The following SRP68 variants were observed in gnomAD, a reference collection of about 807,000 sequenced individuals.
SRP68 encodes the protein signal recognition particle subunit SRP68.
SRP68 carries 15 observed loss-of-function variants against 82.2 expected under a neutral mutation model. That is an observed-to-expected ratio of 0.18 (90% CI 0.12 to 0.28). SRP68 has a LOEUF of 0.28. Among genes scored for constraint, SRP68 ranks in the 10% least tolerant of loss-of-function variants. The pLI is 1.00. For synonymous variants in SRP68, 261 were observed against 292.6 expected (o/e 0.89, Z 1.10); for missense variants, 595 against 780.5 (o/e 0.76, Z 2.83).
chr17:76,070,852 A>ACATG (rs960813301), intron 1 of SRP68, among the ~76,000 whole-genome samples: 1 of 121,734 alleles, frequency 8.2e-6, no homozygotes, highest in African/African-American at 3.5e-5. Flanking sequence ...ATGCACATGC[A>ACATG]CACACACACA....
intron 3 of SRP68, among the ~76,000 whole-genome samples, chr17:76,064,409 A>C (rs1234837587): frequency 6.6e-6 from 1 of 151,992 alleles, no homozygotes; most frequent in African/African-American, 2.4e-5. Flanking sequence ...AGCCTCTACC[A>C]CCTCAAACAC....
intron 9 of SRP68, 187 bp from the exon 10 acceptor site, chr17:76,048,157 A>C (rs1418759821): frequency 3.2e-6 from 1 of 311,430 alleles, no homozygotes; most frequent in Non-Finnish European, 6.2e-6. Context: ...TCAAGTTGCC[A>C]CTGGCATCTA....
chr17:76,040,032 G>A, intron 15 of SRP68, 99 bp from the exon 16 acceptor site: 1 of 1,172,568 alleles, frequency 8.5e-7, no homozygotes, highest in East Asian at 2.5e-5. Context: ...CTTTACAGGG[G>A]CCATCTCACT....
intron 8 of SRP68, among the ~76,000 whole-genome samples, chr17:76,055,140 T>A (rs2066703746): frequency 6.6e-6 from 1 of 151,730 alleles, no homozygotes; most frequent in Non-Finnish European, 1.5e-5. Flanking sequence ...TTTTGTACTT[T>A]TAGTAGAGAT....
At chr17:76,048,434 T>A (rs1567928262) in intron 9 of SRP68, 1 of 152,260 alleles carries the variant, frequency 6.6e-6, no homozygotes, top group African/African-American at 2.4e-5. Flanking sequence ...TAAAAGAGAC[T>A]CTACAGATGT....
chr17:76,041,895 T>A (rs2066593412), intron 13 of SRP68, among the ~76,000 whole-genome samples: 1 of 151,988 alleles, frequency 6.6e-6, no homozygotes. Context: ...TTGCTTGCTT[T>A]TTTTTTTCTT....
intron 9 of SRP68, chr17:76,048,218 C>A (rs2066645806): frequency 4.5e-6 from 1 of 223,890 alleles, no homozygotes; most frequent in Non-Finnish European, 8.8e-6. Context: ...ATGAGACTTC[C>A]TGTCCACTCC....
intron 9 of SRP68, chr17:76,048,258 TC>T: frequency 5.4e-6 from 1 of 184,800 alleles, no homozygotes; most frequent in Non-Finnish European, 1.1e-5. Context: ...AGCATTAAAA[TC>T]AGACATTCCA....
intron 13 of SRP68, 156 bp from the exon 14 acceptor site, chr17:76,041,134 A>G (rs1567924921): frequency 1.9e-6 from 1 of 532,672 alleles, no homozygotes; most frequent in East Asian, 3.1e-5. Flanking sequence ...AAAGCAAAAC[A>G]CTAGCCTGTT....
At chr17:76,069,304 C>T (rs935659533) in intron 2 of SRP68, among the ~76,000 whole-genome samples, 4 of 152,026 alleles carry the variant, frequency 2.6e-5, no homozygotes, top group African/African-American at 9.7e-5. Context: ...AGGAGAACTG[C>T]TTGAACCCGG....
chr17:76,062,824 G>A (rs1175723397), intron 4 of SRP68, among the ~76,000 whole-genome samples: 7 of 131,442 alleles, frequency 5.3e-5, no homozygotes, highest in South Asian at 2.2e-4. Flanking sequence ...AGGCTGGAGC[G>A]CAGTGGCACA....
chr17:76,070,236 A>AAAAC (rs2066840063), intron 2 of SRP68, 142 bp downstream of exon 2: 1 of 716,480 alleles, frequency 1.4e-6, no homozygotes, highest in Non-Finnish European at 2.3e-6. Context: ...AAAAAAAAAA[A>AAAAC]AAACAAAGCA....
intron 3 of SRP68, among the ~76,000 whole-genome samples, chr17:76,065,696 C>T (rs2066801314): frequency 6.6e-6 from 1 of 152,132 alleles, no homozygotes; most frequent in Non-Finnish European, 1.5e-5. Context: ...TCTCACAAAT[C>T]CTTCAAGGTC....
In SRP68 at chr17:76,046,019, C is replaced by G. The variant is rs767915697; in HGVS notation, c.1299+19G>C. 6.2e-7 allele frequency: 1 copy of G among 1,613,396 alleles called. No homozygotes were observed. The highest frequency in any genetic ancestry group is 1.7e-5 in the Admixed American group (1 of 60,004). ...AAGGAAAACCACAGGCCCTTGCCTT[C>G]CCGGTCCTCAAGGGTCACCTGTAAG... On this transcript the variant is annotated intron_variant, in intron 11 of 15. Transcript: ENST00000307877.
chr17:76,060,302 G>C lies in SRP68; in HGVS notation c.837+6C>G. On this transcript the variant is annotated splice_donor_region_variant and intron_variant, in intron 7 of 15. Coordinates refer to ENST00000307877, the MANE Select transcript of SRP68 (RefSeq NM_014230.4). ...ACTTTTCACAAAAATGTACATACTAGATTACCTCCAATTTTTCAGCCAAGA... is the reference window on the plus strand; with the variant it reads ...ACTTTTCACAAAAATGTACATACTACATTACCTCCAATTTTTCAGCCAAGA... The C allele has an allele frequency of 6.2e-7, 1 of 1,604,762 alleles. No homozygotes were observed. Among genetic ancestry groups the C allele is most frequent in the South Asian group, 1.1e-5 (1 of 90,752 alleles).
Position 76,046,162 on chromosome 17 carries a change from A to T in SRP68, c.1175T>A (p.Ile392Asn). Residue 392 changes from isoleucine (I) to asparagine (N), a missense_variant, in exon 11 of 16, where the codon ATC becomes AAC. Around this residue, in one of 2 missense-constraint regions of SRP68, gnomAD observed 495 missense variants for 688.6 expected, o/e 0.72. Transcript: ENST00000307877. The stretch of plus-strand genomic sequence containing the variant: ...TTTGGCCATGTTCTCATTACGCTTG[A>T]TTGCCGTTGATAGCTTGATGTAAGT... ...YLTYIKLSTA[I>N]KRNENMAKGL... The T allele has an allele frequency of 6.2e-7, 1 of 1,613,826 alleles. No individual in the cohort carries two copies. The highest frequency in any genetic ancestry group is 8.5e-7 in the Non-Finnish European group (1 of 1,179,844).
At position 76,040,915 on chromosome 17, in the gene SRP68, C is replaced by A. The variant is rs781574834; in HGVS notation, c.1588G>T (p.Ala530Ser). 28 of 1,613,728 alleles carry A rather than the reference C, an allele frequency of 1.7e-5. No individual in the cohort carries two copies. The East Asian group carries it at 5.3e-4, about 31-fold the overall frequency. ...GCAGGGGGCTCACCAAGGATGGCTG[C>A]GGCCTGCAGGGAGCACTTCTCTGAC... Reference protein sequence around the residue: ...VRSEKCSLQAAAILDANDAHQ... With the variant: ...VRSEKCSLQASAILDANDAHQ... Residue 530 changes from alanine to serine, a missense_variant, in exon 14 of 16, where the codon GCA becomes TCA. Around this residue, in one of 2 missense-constraint regions of SRP68, gnomAD observed 495 missense variants for 688.6 expected, o/e 0.72. Coordinates refer to ENST00000307877, the MANE Select transcript of SRP68 (RefSeq NM_014230.4).
intron 10 of SRP68, 35 bp from the exon 11 acceptor site, chr17:76,046,229 C>A (rs2066629552): frequency 1.2e-6 from 2 of 1,610,856 alleles, no homozygotes; most frequent in African/African-American, 2.7e-5. Context: ...AAGTTATACT[C>A]AGAGAAGCGG....
At chr17:76,069,928 T>G (rs1196930009) in intron 2 of SRP68, among the ~76,000 whole-genome samples, 1 of 151,024 alleles carries the variant, frequency 6.6e-6, no homozygotes, top group Non-Finnish European at 1.5e-5. Context: ...AATACAAAAA[T>G]TAGCCAGGCA....
Sources: allele counts gnomAD v4.1 joint callset (sites outside exome capture counted in the v4.1 genomes callset), GRCh38; gene constraint gnomAD v4.1.1; regional missense constraint gnomAD v4.1.1; transcripts MANE v1.5; gene names NCBI Gene and HGNC (gene_info 2026-07-23, HGNC 2026-07-21).